IL34: variants seen among roughly 807,000 people sequenced by gnomAD.
IL34 encodes interleukin-34.
IL34 carries 17 observed loss-of-function variants against 25.3 expected under a neutral mutation model. The ratio of observed to expected loss-of-function variants is 0.67; its 90% CI spans 0.46 to 1.01. The LOEUF (loss-of-function observed/expected upper bound fraction) is 1.01. Ranked by LOEUF, IL34 falls within the 50% of genes least tolerant of loss-of-function variation. The pLI, the probability that IL34 is intolerant of heterozygous loss-of-function variation, is 0.00. For synonymous variants in IL34, 174 were observed against 140.9 expected (o/e 1.23, Z -1.66); for missense variants, 368 against 312.9 (o/e 1.18, Z -1.33).
At chr16:70,599,345 CTT>C (rs1187949992) in intron 1 of IL34, among the ~76,000 whole-genome samples, 8 of 120,956 alleles carry the variant, frequency 6.6e-5, no homozygotes, top group African/African-American at 2.5e-4. Flanking sequence ...TTCTTTCTCT[CTT>C]TCTTTCTCTC....
intron 1 of IL34, among the ~76,000 whole-genome samples, chr16:70,589,954 T>C (rs1268494798): frequency 6.6e-6 from 1 of 152,042 alleles, no homozygotes; most frequent in Admixed American, 6.6e-5. Context: ...AACGAAAAAA[T>C]AGTAGATCCT....
chr16:70,585,845 T>C (rs1271267341), intron 1 of IL34, among the ~76,000 whole-genome samples: 22 of 150,394 alleles, frequency 1.5e-4, no homozygotes, highest in Middle Eastern at 3.4e-3. Context: ...TTGTTTTTTT[T>C]TTTTTTGAGA....
In IL34 at chr16:70,634,842, C is replaced by T. The variant is rs146379530; in HGVS notation, c.-400-11706C>T. Among the ~76,000 whole-genome samples, 858 of 152,176 alleles carry T rather than the reference C, an allele frequency of 5.6e-3. 7 individuals carry two copies. The highest frequency in any genetic ancestry group is 0.017 in the Middle Eastern group (5 of 294). ...AATAGCTGGAATTATGTAGTGTGCA[C>T]GCTTTTGTGTCTGGTTGCTTTTGCT... On this transcript the variant is annotated intron_variant, in intron 1 of 6. Coordinates refer to the IL34 transcript ENST00000429149.
chr16:70,646,975 T>G lies in IL34; in HGVS notation c.28T>G (p.Tyr10Asp). 6.8e-7 allele frequency: 1 copy of G among 1,461,734 alleles called. No homozygotes were observed. The highest frequency in any genetic ancestry group is 9.0e-7 in the Non-Finnish European group (1 of 1,114,730). The allele number at this position is 1,461,734 out of a possible 1,614,324, so 90.5% of individuals were successfully genotyped here. ...GCCCCGGGGCTTCACCTGGCTGCGC[T>G]GTGAGTACTGGGGGGTCCCTAGGGA... MPRGFTWLRYLGIFLGVALG... is the reference protein window; with the variant it reads MPRGFTWLRDLGIFLGVALG... The change falls in exon 1 of 6, where the codon TAT (tyrosine) becomes GAT (aspartate). Residue 10 changes from tyrosine to aspartate, a missense_variant and splice_region_variant. Physicochemically the swap from Tyr to Asp is radical, Grantham distance 160. Coordinates refer to ENST00000288098, the MANE Select transcript of IL34 (RefSeq NM_001393494.1).
At chr16:70,612,908 C>T (rs2151828806) in intron 1 of IL34, among the ~76,000 whole-genome samples, 1 of 152,316 alleles carries the variant, frequency 6.6e-6, no homozygotes, top group South Asian at 2.1e-4. Flanking sequence ...GCCTCAGCCT[C>T]CCAAGTAGCT....
At chr16:70,586,589 C>T (rs982425108) in intron 1 of IL34, among the ~76,000 whole-genome samples, 1 of 152,138 alleles carries the variant, frequency 6.6e-6, no homozygotes, top group African/African-American at 2.4e-5. Flanking sequence ...TGTGTTACCA[C>T]TCAGAGGAGC....
intron 1 of IL34, among the ~76,000 whole-genome samples, chr16:70,598,478 C>T (rs2050857892): frequency 1.3e-5 from 2 of 152,172 alleles, no homozygotes; most frequent in Non-Finnish European, 2.9e-5. Flanking sequence ...GTGGCTCACA[C>T]CTGTAATCCC....
chr16:70,631,008 C>G (rs909654687), intron 1 of IL34, among the ~76,000 whole-genome samples: 1 of 152,080 alleles, frequency 6.6e-6, no homozygotes, highest in Non-Finnish European at 1.5e-5. Flanking sequence ...GGGTATATAC[C>G]TGGCAGTGAA....
chr16:70,621,060 G>A (rs868805955), intron 1 of IL34, among the ~76,000 whole-genome samples: 1 of 152,110 alleles, frequency 6.6e-6, no homozygotes, highest in African/African-American at 2.4e-5. Flanking sequence ...TTTGGGTGTG[G>A]AAATAAGCAA....
chr16:70,613,532 T>G (rs941142716), intron 1 of IL34, among the ~76,000 whole-genome samples: 1 of 152,138 alleles, frequency 6.6e-6, no homozygotes, highest in African/African-American at 2.4e-5. Context: ...GTACTCAAAG[T>G]GTGGTCTGCA....
At chr16:70,596,828 T>G (rs1020371070) in intron 1 of IL34, among the ~76,000 whole-genome samples, 5 of 152,160 alleles carry the variant, frequency 3.3e-5, no homozygotes, top group African/African-American at 1.2e-4. Flanking sequence ...TGGTCTCAAG[T>G]GATTTCCCTT....
intron 5 of IL34, 37 bp from the exon 6 acceptor site, chr16:70,659,960 T>C (rs2052351021): frequency 1.3e-6 from 2 of 1,532,266 alleles, no homozygotes; most frequent in South Asian, 2.6e-5. Context: ...TCTTGAACAC[T>C]GCTGCAGTCT....
rs565900046 is a variant in IL34, at chr16:70,614,085, G to A, written c.-400-32463G>A. 5.9e-5 allele frequency among the ~76,000 whole-genome samples: 9 copies of A among 151,894 alleles called. No homozygotes were observed. The East Asian group carries it at 1.6e-3, about 26-fold the overall frequency. ...TGTAGCCCCAGCTACTCAGGAGGCTGAGGTGGGAGGACTGCTTGAACCCAG... is the reference window on the plus strand; with the variant it reads ...TGTAGCCCCAGCTACTCAGGAGGCTAAGGTGGGAGGACTGCTTGAACCCAG... On this transcript the variant is annotated intron_variant, in intron 1 of 6. Transcript: ENST00000429149.
At chr16:70,650,778 G>C (rs747830605) in intron 1 of IL34, among the ~76,000 whole-genome samples, 12 of 152,204 alleles carry the variant, frequency 7.9e-5, no homozygotes, top group Non-Finnish European at 1.3e-4. Context: ...TGGTTGAGCA[G>C]AGACTCTGGG....
intron 1 of IL34, among the ~76,000 whole-genome samples, chr16:70,637,510 T>C (rs1054230361): frequency 7.3e-6 from 1 of 136,804 alleles, no homozygotes; most frequent in Non-Finnish European, 1.7e-5. Flanking sequence ...CAGGCCCGGC[T>C]AATTTTATAT....
chr16:70,626,393 T>C (rs1166501269), intron 1 of IL34, among the ~76,000 whole-genome samples: 1 of 152,140 alleles, frequency 6.6e-6, no homozygotes, highest in Non-Finnish European at 1.5e-5. Flanking sequence ...TGGGTTTGTT[T>C]GTTTTTGTTT....
At chr16:70,619,708 G>A (rs1480314669) in intron 1 of IL34, among the ~76,000 whole-genome samples, 3 of 152,184 alleles carry the variant, frequency 2.0e-5, no homozygotes, top group Admixed American at 6.5e-5. Flanking sequence ...CTTTCGAGGC[G>A]ATCGGGCAGT....
chr16:70,655,625 C>T (rs1197547700), intron 2 of IL34, among the ~76,000 whole-genome samples: 1 of 152,096 alleles, frequency 6.6e-6, no homozygotes, highest in Admixed American at 6.5e-5. Context: ...CTCCTGGGCT[C>T]AAGCAATATG....
At chr16:70,659,860 CCGGGGCTA>C (rs1353968863) in intron 5 of IL34, 107 bp downstream of exon 5, 2 of 1,493,710 alleles carry the variant, frequency 1.3e-6, no homozygotes, top group African/African-American at 2.8e-5. Flanking sequence ...CCTCTGCTCC[CCGGGGCTA>C]CAAGCCATTT....
Sources: gnomAD v4.1 joint callset for allele counts (sites outside exome capture counted in the v4.1 genomes callset) on GRCh38, gnomAD v4.1.1 for gene constraint, MANE v1.5 for transcripts, NCBI Gene and HGNC (gene_info 2026-07-23, HGNC 2026-07-21) for gene names.